SLC35F3: variants seen among roughly 807,000 people sequenced by gnomAD.
SLC35F3 encodes solute carrier family 35 member F3.
Under a neutral mutation model 49.9 loss-of-function variants are expected in SLC35F3, and 25 were observed. The ratio of observed to expected loss-of-function variants is 0.50; its 90% CI spans 0.37 to 0.70. SLC35F3 has a LOEUF of 0.70. SLC35F3 is among the 30% of genes least tolerant of loss of function. The probability of loss-of-function intolerance (pLI) is 0.00; values close to 1 mark genes in which losing one functional copy is unlikely to be tolerated. For missense variants in SLC35F3, 525 were observed against 639.8 expected (o/e 0.82, Z 1.94); for synonymous variants, 275 against 265.4 (o/e 1.04, Z -0.35).
rs977411963 is a variant in SLC35F3, at chr1:234,324,092, C to T, written c.*849C>T. The T allele has an allele frequency of 1.3e-5, 2 of 152,202 alleles. No individual in the cohort carries two copies. The highest frequency in any genetic ancestry group is 4.8e-5 in the African/African-American group (2 of 41,450). 9.4% of individuals were successfully genotyped at this position (152,202 alleles called of 1,614,324 possible). On this transcript the variant is annotated 3_prime_UTR_variant, in exon 8 of 8. Coordinates refer to ENST00000366618, the MANE Select transcript of SLC35F3 (RefSeq NM_173508.4). ...GATGGCCAGTGTATACAGAGCGTGG[C>T]CCGCGGTGTACAATACCCATATAAG...
intron 2 of SLC35F3, among the ~76,000 whole-genome samples, chr1:233,974,137 G>A (rs1286797752): frequency 1.3e-5 from 2 of 150,746 alleles, no homozygotes; most frequent in African/African-American, 4.9e-5. Flanking sequence ...CCACTCTTGG[G>A]CAGGAGACTA....
Position 234,096,863 on chromosome 1 carries a change from G to A in SLC35F3, c.284-134554G>A, listed in dbSNP as rs150617330. ...CAGCAGTGGAATTGCTGGATCGAAC[G>A]GTAAATCTACTTTGTTAAATTCTTT... On this transcript the variant is annotated intron_variant, in intron 2 of 7. Coordinates refer to ENST00000366618, the MANE Select transcript of SLC35F3 (RefSeq NM_173508.4). Among the ~76,000 whole-genome samples the A allele has an allele frequency of 4.5e-3, 677 of 151,564 alleles. 7 individuals are homozygous for A. The highest frequency in any genetic ancestry group is 0.015 in the African/African-American group (630 of 41,234).
chr1:234,265,430 C>A (rs1667965336), intron 3 of SLC35F3, among the ~76,000 whole-genome samples: 1 of 152,032 alleles, frequency 6.6e-6, no homozygotes, highest in African/African-American at 2.4e-5. Context: ...GCCTCACCCT[C>A]CCTGAATGCT....
At chr1:234,095,451 AAG>A (rs1343605941) in intron 2 of SLC35F3, among the ~76,000 whole-genome samples, 1 of 152,170 alleles carries the variant, frequency 6.6e-6, no homozygotes, top group Non-Finnish European at 1.5e-5. Flanking sequence ...AGCACATGCA[AAG>A]GTGGGAAGAG....
At chr1:233,923,956 G>A (rs192323848) in intron 2 of SLC35F3, among the ~76,000 whole-genome samples, 7 of 152,272 alleles carry the variant, frequency 4.6e-5, no homozygotes, top group African/African-American at 4.8e-5. Flanking sequence ...TTGTTGATTT[G>A]TGTATGTTGA....
chr1:234,119,215 A>G (rs919913820), intron 2 of SLC35F3, among the ~76,000 whole-genome samples: 4 of 151,834 alleles, frequency 2.6e-5, no homozygotes, highest in Non-Finnish European at 2.9e-5. Flanking sequence ...CACCTACCAC[A>G]CACACAAATG....
chr1:234,289,129 A>G (rs1467170731), intron 3 of SLC35F3, among the ~76,000 whole-genome samples: 1 of 152,210 alleles, frequency 6.6e-6, no homozygotes, highest in African/African-American at 2.4e-5. Flanking sequence ...CAATGACGTC[A>G]TGGCATTTGA....
At chr1:234,197,604 AG>A (rs1346169841) in intron 2 of SLC35F3, among the ~76,000 whole-genome samples, 1 of 152,204 alleles carries the variant, frequency 6.6e-6, no homozygotes, top group Non-Finnish European at 1.5e-5. Context: ...GGGAGCAAGA[AG>A]GGTGCTGGGG....
At chr1:234,298,125 C>T (rs1668633919) in intron 3 of SLC35F3, among the ~76,000 whole-genome samples, 1 of 152,042 alleles carries the variant, frequency 6.6e-6, no homozygotes, top group Non-Finnish European at 1.5e-5. Context: ...GTCAATCATA[C>T]CTCAATAAAG....
At chr1:233,905,311 C>A (rs1174940481) in intron 1 of SLC35F3, among the ~76,000 whole-genome samples, 181 bp downstream of exon 1, 1 of 152,218 alleles carries the variant, frequency 6.6e-6, no homozygotes, top group East Asian at 1.9e-4. Context: ...ACCCGCACTG[C>A]CCCGAGACGC....
At chr1:234,080,361 AG>A (rs558197333) in intron 2 of SLC35F3, among the ~76,000 whole-genome samples, 82 of 152,312 alleles carry the variant, frequency 5.4e-4, no homozygotes, top group African/African-American at 1.8e-3. Flanking sequence ...AAGTTACCAT[AG>A]GACCCAGCAA....
chr1:234,133,385 C>G (rs1665762302), intron 2 of SLC35F3, among the ~76,000 whole-genome samples: 1 of 152,028 alleles, frequency 6.6e-6, no homozygotes, highest in Non-Finnish European at 1.5e-5. Context: ...ATCTAGAGGC[C>G]TAAGTGAAGA....
chr1:234,221,052 A>G (rs1667197275), intron 2 of SLC35F3, among the ~76,000 whole-genome samples: 1 of 152,164 alleles, frequency 6.6e-6, no homozygotes, highest in Non-Finnish European at 1.5e-5. Context: ...AGACCAGAGA[A>G]CTCAGATAGT....
intron 3 of SLC35F3, among the ~76,000 whole-genome samples, chr1:234,232,783 G>A (rs1054869514): frequency 6.6e-6 from 1 of 152,090 alleles, no homozygotes; most frequent in African/African-American, 2.4e-5. Context: ...TGGGTCCAAG[G>A]AACAAAGAGG....
chr1:234,132,585 C>T (rs762433402), intron 2 of SLC35F3, among the ~76,000 whole-genome samples: 32 of 152,052 alleles, frequency 2.1e-4, no homozygotes, highest in Admixed American at 4.6e-4. Context: ...TTGTGTATTG[C>T]GATTTAAATA....
At chr1:234,083,777 AG>A (rs1168046487) in intron 2 of SLC35F3, among the ~76,000 whole-genome samples, 4 of 151,906 alleles carry the variant, frequency 2.6e-5, no homozygotes, top group African/African-American at 9.7e-5. Context: ...GAGTGGGAAA[AG>A]CATTGTGAGG....
intron 3 of SLC35F3, among the ~76,000 whole-genome samples, chr1:234,244,830 A>C (rs190930757): frequency 6.6e-6 from 1 of 152,312 alleles, no homozygotes; most frequent in African/African-American, 2.4e-5. Flanking sequence ...AGGGTCTTTA[A>C]AGTCCTGCTA....
rs1288064802 is a variant in SLC35F3, at chr1:234,214,557, C to A, written c.284-16860C>A. ...AGCGCCTGCAACAGTCCGGTCCTGA[C>A]CCTTACCAAAGTGGAAGGTAATGCG... On this transcript the variant is annotated intron_variant, in intron 2 of 7. Transcript: ENST00000366618. The surrounding 1 kb of genome is among the most constrained non-coding windows in gnomAD (Gnocchi z 8.0). The A allele has an allele frequency of 5.1e-6, 8 of 1,558,036 alleles. No homozygotes were observed. Among genetic ancestry groups the A allele is most frequent in the Admixed American group, 1.9e-5 (1 of 53,668 alleles).
chr1:234,054,648 C>T (rs139639039), intron 2 of SLC35F3, among the ~76,000 whole-genome samples: 90 of 152,304 alleles, frequency 5.9e-4, no homozygotes, highest in African/African-American at 2.1e-3. Flanking sequence ...GTCAACTCAT[C>T]AAAGTCATTC....
Sources: gnomAD v4.1 joint callset for allele counts (sites outside exome capture counted in the v4.1 genomes callset) on GRCh38, gnomAD v4.1.1 for gene constraint, Gnocchi (gnomAD v3.1) non-coding constraint, MANE v1.5 for transcripts, NCBI Gene and HGNC (gene_info 2026-07-23, HGNC 2026-07-21) for gene names.